The following CCDC150 variants were observed in gnomAD, a reference collection of about 807,000 sequenced individuals.
CCDC150 encodes the protein coiled-coil domain containing 150.
A neutral mutation model predicts 156.5 loss-of-function variants in CCDC150; 151 were observed. That is an observed-to-expected ratio of 0.97 (90% CI 0.85 to 1.10). CCDC150 has a LOEUF of 1.10. Among genes scored for constraint, CCDC150 ranks in the 50% least tolerant of loss-of-function variants. The pLI is 0.00. For missense variants in CCDC150, 1,312 were observed against 1,268.1 expected, an observed-to-expected ratio of 1.03 and a Z score of -0.53; for synonymous variants, 452 against 429.4, an observed-to-expected ratio of 1.05 and a Z score of -0.65.
At chr2:196,659,423 T>C (rs776394841) in intron 5 of CCDC150, among the ~76,000 whole-genome samples, 2 of 152,184 alleles carry the variant, frequency 1.3e-5, no homozygotes, top group East Asian at 3.8e-4. Flanking sequence ...TAATAATTGA[T>C]GTTAGTTCAA....
At chr2:196,713,083 G>A in intron 17 of CCDC150, 1 of 483,672 alleles carries the variant, frequency 2.1e-6, no homozygotes, top group Non-Finnish European at 3.6e-6. Flanking sequence ...CTAACCACTT[G>A]ACTCTGCTGA....
chr2:196,653,453 C>T (rs966192192), intron 2 of CCDC150, among the ~76,000 whole-genome samples: 22 of 152,164 alleles, frequency 1.4e-4, no homozygotes, highest in African/African-American at 4.3e-4. Context: ...CTTAAGGGCA[C>T]GGACACAGTG....
At chr2:196,713,583 C>G in intron 17 of CCDC150, 1 of 1,541,062 alleles carries the variant, frequency 6.5e-7, no homozygotes, top group Middle Eastern at 1.7e-4. Context: ...CTTTTGAATG[C>G]TATTAAAACC....
intron 15 of CCDC150, among the ~76,000 whole-genome samples, chr2:196,709,982 G>A (rs1208938469): frequency 6.6e-6 from 1 of 152,226 alleles, no homozygotes; most frequent in Non-Finnish European, 1.5e-5. Flanking sequence ...CCCACTTGAG[G>A]AGGCAGTCTG....
At chr2:196,706,283 T>G (rs974383082) in intron 15 of CCDC150, among the ~76,000 whole-genome samples, 17 of 152,212 alleles carry the variant, frequency 1.1e-4, no homozygotes, top group African/African-American at 4.1e-4. Flanking sequence ...TTTGAAGCAA[T>G]TGTGAATGGG....
chr2:196,666,880 T>C, intron 7 of CCDC150, 32 bp downstream of exon 7: 1 of 1,612,558 alleles, frequency 6.2e-7, no homozygotes, highest in East Asian at 2.2e-5. Flanking sequence ...ATCACCCTCT[T>C]GTTAGTTTTT....
chr2:196,720,592 G>C lies in CCDC150; in HGVS notation c.2183G>C (p.Arg728Thr), dbSNP rs1278665688. ...ATTTTTAGGGATCTCAATCAACAGAGGGTGCAGAAGCTGGAAGCTGAAGTG... is the reference window on the plus strand; with the variant it reads ...ATTTTTAGGGATCTCAATCAACAGACGGTGCAGAAGCTGGAAGCTGAAGTG... ...LKKERDLNQQ[R>T]VQKLEAEVDQ... The change falls in exon 20 of 28, where the codon AGG becomes ACG. Residue 728 changes from arginine to threonine, a missense_variant. Arg to Thr is a moderately conservative substitution (Grantham distance 71). Transcript: ENST00000389175. The C allele has an allele frequency of 6.2e-7, 1 of 1,613,766 alleles. No homozygotes were observed. Among genetic ancestry groups the C allele is most frequent in the Non-Finnish European group, 8.5e-7 (1 of 1,179,746 alleles).
chr2:196,657,317 C>G, intron 4 of CCDC150, 181 bp downstream of exon 4: 1 of 576,870 alleles, frequency 1.7e-6, no homozygotes, highest in South Asian at 2.0e-5. Flanking sequence ...TAACCTAAAC[C>G]ACTGTGTGCT....
intron 13 of CCDC150, chr2:196,686,028 G>A (rs111961789): frequency 3.9e-5 from 6 of 153,098 alleles, no homozygotes; most frequent in African/African-American, 1.2e-4. Flanking sequence ...TACATCAGGA[G>A]CCACTCCTCT....
Position 196,665,673 on chromosome 2 carries a change from A to G in CCDC150, c.752A>G (p.Glu251Gly). ...GAAATGGGATCAACAGTGGAGGTAG[A>G]ACGAAAACAGGTAGAAAGATTTCTT... ...IQEMGSTVEV[E>G]RKQVHILQQN... is the part of the protein sequence containing the mutation. The change falls in exon 6 of 28, where the codon GAA (glutamate) becomes GGA (glycine). Residue 251 changes from glutamate (E) to glycine (G), a missense_variant. Coordinates refer to ENST00000389175, the MANE Select transcript of CCDC150 (RefSeq NM_001080539.2). The G allele has an allele frequency of 6.3e-7, 1 of 1,580,604 alleles. No individual in the cohort carries two copies. Among genetic ancestry groups the G allele is most frequent in the Non-Finnish European group, 8.6e-7 (1 of 1,160,218 alleles).
chr2:196,701,958 G>A (rs1227501051), intron 15 of CCDC150, among the ~76,000 whole-genome samples: 4 of 152,298 alleles, frequency 2.6e-5, no homozygotes, highest in South Asian at 4.1e-4. Flanking sequence ...GAGGCTGTGC[G>A]TGGTGGTTCA....
chr2:196,712,025 T>G (rs1385980148), intron 15 of CCDC150, 120 bp from the exon 16 acceptor site: 5 of 365,034 alleles, frequency 1.4e-5, no homozygotes, highest in Non-Finnish European at 2.4e-5. Flanking sequence ...ATTTTTTTTT[T>G]TTTTTTTTTA....
At chr2:196,648,619 G>A (rs1692683125) in intron 2 of CCDC150, among the ~76,000 whole-genome samples, 1 of 152,106 alleles carries the variant, frequency 6.6e-6, no homozygotes, top group East Asian at 1.9e-4. Flanking sequence ...TTTGATTGCT[G>A]TGCAGAAGAC....
chr2:196,708,466 CT>C (rs1451708144), intron 15 of CCDC150, among the ~76,000 whole-genome samples: 1 of 152,154 alleles, frequency 6.6e-6, no homozygotes, highest in Non-Finnish European at 1.5e-5. Context: ...ATCCAATTTG[CT>C]AGTCTGTGTC....
chr2:196,713,338 T>A (rs1315559844), intron 17 of CCDC150: 2 of 1,444,730 alleles, frequency 1.4e-6, no homozygotes, highest in Non-Finnish European at 1.8e-6. Flanking sequence ...GATTTTATTG[T>A]TTTTATTAAT....
intron 1 of CCDC150, 26 bp from the exon 2 acceptor site, chr2:196,646,315 C>A: frequency 6.2e-7 from 1 of 1,608,050 alleles, no homozygotes; most frequent in Non-Finnish European, 8.5e-7. Flanking sequence ...GGACCTACCA[C>A]ACTAAGATTG....
chr2:196,673,330 T>A (rs1197970601), intron 9 of CCDC150, among the ~76,000 whole-genome samples: 2 of 152,122 alleles, frequency 1.3e-5, no homozygotes, highest in African/African-American at 4.8e-5. Context: ...GAGTTGGAAT[T>A]TGAACTCAGG....
In CCDC150 at chr2:196,703,674, T is replaced by C. The variant is rs142241634; in HGVS notation, c.1695+2494T>C. 5.6e-3 allele frequency among the ~76,000 whole-genome samples: 851 copies of C among 152,310 alleles called. 3 individuals carry two copies. The highest frequency in any genetic ancestry group is 0.01 in the Middle Eastern group (3 of 292). ...TAGTTTTTCCAAGAAAAATGAAATA[T>C]ATTATGAAATATATAAGACAAATCC... On this transcript the variant is annotated intron_variant, in intron 15 of 27. Transcript: ENST00000389175.
At chr2:196,668,347 G>A (rs1693984778) in intron 7 of CCDC150, among the ~76,000 whole-genome samples, 1 of 147,566 alleles carries the variant, frequency 6.8e-6, no homozygotes, top group Non-Finnish European at 1.5e-5. Flanking sequence ...CACACTGACT[G>A]TACCCAAAGA....
Sources: gnomAD v4.1 joint callset for allele counts (sites outside exome capture counted in the v4.1 genomes callset) on GRCh38, gnomAD v4.1.1 for gene constraint, MANE v1.5 for transcripts, NCBI Gene and HGNC (gene_info 2026-07-23, HGNC 2026-07-21) for gene names.